The following TAFA4 variants were observed in gnomAD, a reference collection of about 807,000 sequenced individuals.
TAFA4 encodes chemokine-like protein TAFA-4.
Under a neutral mutation model 21.1 loss-of-function variants are expected in TAFA4, and 20 were observed. That is an observed-to-expected ratio of 0.95 (90% CI 0.67 to 1.38). The LOEUF (loss-of-function observed/expected upper bound fraction) is 1.38, where lower values mean the gene tolerates loss of function less well. TAFA4 is among the 40% of genes most tolerant of loss of function. TAFA4 has a pLI of 0.00. For missense variants in TAFA4, 211 were observed against 180.9 expected (o/e 1.17, Z -0.95); for synonymous variants, 71 against 67.4 (o/e 1.05, Z -0.26).
intron 3 of TAFA4, among the ~76,000 whole-genome samples, chr3:68,773,309 T>A (rs757202545): frequency 6.6e-6 from 1 of 152,172 alleles, no homozygotes; most frequent in South Asian, 2.1e-4. Flanking sequence ...AAGATACACA[T>A]CAGGCAAGGT....
At chr3:68,868,777 C>T (rs1553649374) in intron 3 of TAFA4, among the ~76,000 whole-genome samples, 1 of 151,764 alleles carries the variant, frequency 6.6e-6, no homozygotes, top group Non-Finnish European at 1.5e-5. Flanking sequence ...CAATAAATGC[C>T]TACTTCAAAA....
intron 1 of TAFA4, among the ~76,000 whole-genome samples, chr3:68,901,316 T>C (rs1442414802): frequency 6.9e-6 from 1 of 144,098 alleles, no homozygotes; most frequent in Non-Finnish European, 1.5e-5. Context: ...CTATTTCACT[T>C]AAAAAAAAAA....
intron 1 of TAFA4, among the ~76,000 whole-genome samples, chr3:68,897,183 T>C (rs2106976144): frequency 6.6e-6 from 1 of 152,252 alleles, no homozygotes; most frequent in African/African-American, 2.4e-5. Context: ...ATTACAGGTG[T>C]GAGCCACCAC....
chr3:68,926,835 T>C (rs2107033980), intron 1 of TAFA4, among the ~76,000 whole-genome samples: 1 of 152,218 alleles, frequency 6.6e-6, no homozygotes, highest in East Asian at 1.9e-4. Context: ...CGCTTGAACC[T>C]GGAAGGTGGA....
chr3:68,845,517 C>T (rs1164207450), intron 3 of TAFA4, among the ~76,000 whole-genome samples: 1 of 152,198 alleles, frequency 6.6e-6, no homozygotes, highest in African/African-American at 2.4e-5. Flanking sequence ...AGCCCATTTA[C>T]ATTTAAGGTT....
chr3:68,782,274 T>C (rs1187367606), intron 3 of TAFA4, among the ~76,000 whole-genome samples: 1 of 151,994 alleles, frequency 6.6e-6, no homozygotes, highest in Non-Finnish European at 1.5e-5. Context: ...TTTAGGAAAA[T>C]GCAAATCAAA....
chr3:68,900,997 C>A (rs1391338852), intron 1 of TAFA4, among the ~76,000 whole-genome samples: 1 of 152,146 alleles, frequency 6.6e-6, no homozygotes, highest in Non-Finnish European at 1.5e-5. Context: ...TCAAGCCAAG[C>A]CAAGGGAACT....
intron 3 of TAFA4, among the ~76,000 whole-genome samples, chr3:68,821,326 C>CTTT (rs575774839): frequency 1.4e-5 from 1 of 73,670 alleles, no homozygotes; most frequent in Non-Finnish European, 2.5e-5. Flanking sequence ...AACCTCCCTG[C>CTTT]TTTTTTTTTT....
chr3:68,767,772 G>A (rs1365350874), intron 3 of TAFA4, among the ~76,000 whole-genome samples: 2 of 151,660 alleles, frequency 1.3e-5, no homozygotes, highest in Admixed American at 6.6e-5. Flanking sequence ...GTCCTTATAT[G>A]TATACATACA....
At chr3:68,923,260 T>C (rs898221938) in intron 1 of TAFA4, among the ~76,000 whole-genome samples, 6 of 152,156 alleles carry the variant, frequency 3.9e-5, no homozygotes, top group East Asian at 1.9e-4. Flanking sequence ...TGAATAAACA[T>C]GGGGTGCTTA....
chr3:68,843,595 G>C (rs6549151), intron 3 of TAFA4, among the ~76,000 whole-genome samples: 49,557 of 152,022 alleles, frequency 0.33, 8,373 homozygotes, highest in Non-Finnish European at 0.37. Context: ...TGTCTTGTGC[G>C]AGTTTTCAAG....
intron 1 of TAFA4, among the ~76,000 whole-genome samples, chr3:68,930,361 T>G (rs17321): frequency 6.6e-6 from 1 of 152,190 alleles, no homozygotes; most frequent in Non-Finnish European, 1.5e-5. Context: ...CATTCAAAGA[T>G]AGAGAAATTG....
intron 3 of TAFA4, among the ~76,000 whole-genome samples, chr3:68,778,894 G>C (rs1216665229): frequency 6.6e-6 from 1 of 152,218 alleles, no homozygotes; most frequent in Admixed American, 6.5e-5. Flanking sequence ...TTGGAACTAG[G>C]TAACAGGCAG....
intron 3 of TAFA4, among the ~76,000 whole-genome samples, chr3:68,765,008 A>T (rs1702822284): frequency 6.6e-6 from 1 of 152,148 alleles, no homozygotes; most frequent in South Asian, 2.1e-4. Context: ...AAAGACAAAG[A>T]AGCCAGAAGG....
rs1314875494 is a variant in TAFA4 at position 68,733,002 on chromosome 3, A to G, written c.*140T>C. On this transcript the variant is annotated 3_prime_UTR_variant, in exon 6 of 6. Coordinates refer to ENST00000295569, the MANE Select transcript of TAFA4 (RefSeq NM_182522.5). Reference sequence around the variant, plus strand: ...GGGCTGGGCCAGTTAAGTGAATGCCACCTCTCACAGCTCACATATACAAAT... The same window carrying G: ...GGGCTGGGCCAGTTAAGTGAATGCCGCCTCTCACAGCTCACATATACAAAT... The G allele has an allele frequency of 1.1e-5, 12 of 1,074,242 alleles. No individual in the cohort carries two copies. The Admixed American group carries it at 2.2e-4, about 20-fold the overall frequency. 66.5% of individuals were successfully genotyped at this position (1,074,242 alleles called of 1,614,324 possible).
intron 3 of TAFA4, among the ~76,000 whole-genome samples, chr3:68,766,763 G>T (rs1702861771): frequency 6.6e-6 from 1 of 152,062 alleles, no homozygotes; most frequent in Non-Finnish European, 1.5e-5. Flanking sequence ...CAGAAACACG[G>T]GATGAAGAGC....
chr3:68,823,772 G>A (rs1348037647), intron 3 of TAFA4, among the ~76,000 whole-genome samples: 1 of 152,100 alleles, frequency 6.6e-6, no homozygotes, highest in Non-Finnish European at 1.5e-5. Flanking sequence ...TCCCTACAAA[G>A]GACATTATCT....
intron 3 of TAFA4, among the ~76,000 whole-genome samples, chr3:68,861,859 T>A (rs1575646223): frequency 6.6e-6 from 1 of 152,046 alleles, no homozygotes; most frequent in Non-Finnish European, 1.5e-5. Context: ...CGAAGGTGGG[T>A]AATGGACATG....
chr3:68,890,387 C>T (rs1338089582), intron 1 of TAFA4, among the ~76,000 whole-genome samples: 1 of 152,102 alleles, frequency 6.6e-6, no homozygotes, highest in African/African-American at 2.4e-5. Context: ...ATAAAATATA[C>T]TAAAATGATT....
Sources: allele counts gnomAD v4.1 joint callset (sites outside exome capture counted in the v4.1 genomes callset), GRCh38; gene constraint gnomAD v4.1.1; transcripts MANE v1.5; gene names NCBI Gene and HGNC (gene_info 2026-07-23, HGNC 2026-07-21).